FARS2: variants seen among roughly 807,000 people sequenced by gnomAD.
The protein encoded by FARS2 is phenylalanine--tRNA ligase, mitochondrial.
Under a neutral mutation model 46.4 loss-of-function variants are expected in FARS2, and 40 were observed. That is an observed-to-expected ratio of 0.86 (90% CI 0.67 to 1.12). The LOEUF is 1.12. Ranked by LOEUF, FARS2 falls within the 50% of genes most tolerant of loss-of-function variation. The pLI is 0.00. For missense variants in FARS2, 513 were observed against 567.9 expected, an observed-to-expected ratio of 0.90 and a Z score of 0.98; for synonymous variants, 234 against 214.9, an observed-to-expected ratio of 1.09 and a Z score of -0.78.
chr6:5,546,093 A>T (rs947848591), intron 5 of FARS2, among the ~76,000 whole-genome samples: 1 of 151,858 alleles, frequency 6.6e-6, no homozygotes, highest in Non-Finnish European at 1.5e-5. Context: ...GTGCCATTGC[A>T]CTCCAGCCTG....
chr6:5,293,841 A>G (rs1472493682), intron 1 of FARS2, among the ~76,000 whole-genome samples: 1 of 152,244 alleles, frequency 6.6e-6, no homozygotes, highest in Non-Finnish European at 1.5e-5. Flanking sequence ...GGCCAAGAGC[A>G]TGATTGATTG....
chr6:5,393,201 T>C (rs2127696738), intron 2 of FARS2, among the ~76,000 whole-genome samples: 2 of 152,144 alleles, frequency 1.3e-5, no homozygotes, highest in Middle Eastern at 6.8e-3. Context: ...AATCCTGTAA[T>C]GCACAGGTAG....
chr6:5,585,298 A>G (rs1561732112), intron 5 of FARS2, among the ~76,000 whole-genome samples: 2 of 151,928 alleles, frequency 1.3e-5, no homozygotes, highest in Admixed American at 6.6e-5. Context: ...CTCAGTTATC[A>G]TTTTTTTTGT....
chr6:5,590,888 C>T (rs1308523250), intron 5 of FARS2, among the ~76,000 whole-genome samples: 1 of 152,120 alleles, frequency 6.6e-6, no homozygotes, highest in African/African-American at 2.4e-5. Context: ...CATTGCTTTG[C>T]ACATTGTAAG....
intron 6 of FARS2, among the ~76,000 whole-genome samples, chr6:5,740,273 G>A (rs1047889472): frequency 3.3e-5 from 5 of 152,126 alleles, no homozygotes; most frequent in East Asian, 1.9e-4. Context: ...AAATACACAC[G>A]AGAAAGTTTC....
intron 1 of FARS2, among the ~76,000 whole-genome samples, chr6:5,296,129 CTTTTTTTTT>C (rs70974187): frequency 1.8e-5 from 1 of 55,040 alleles, no homozygotes; most frequent in African/African-American, 8.9e-5. Flanking sequence ...TCATTTTGGC[CTTTTTTTTT>C]TTTTTTTTTT....
At chr6:5,537,377 C>A (rs1770270303) in intron 4 of FARS2, among the ~76,000 whole-genome samples, 1 of 152,202 alleles carries the variant, frequency 6.6e-6, no homozygotes, top group Non-Finnish European at 1.5e-5. Context: ...TGCTCCCTCT[C>A]CACCCCAGAC....
At chr6:5,295,908 C>T (rs994466391) in intron 1 of FARS2, among the ~76,000 whole-genome samples, 9 of 152,012 alleles carry the variant, frequency 5.9e-5, no homozygotes, top group African/African-American at 9.7e-5. Context: ...CATCTTTTCA[C>T]GTAAAACACT....
chr6:5,515,803 C>T (rs558272160), intron 4 of FARS2, among the ~76,000 whole-genome samples: 25 of 152,034 alleles, frequency 1.6e-4, no homozygotes, highest in Admixed American at 2.6e-4. Context: ...ATACCTGATA[C>T]GTCTTAAATT....
chr6:5,327,478 C>T (rs369945220), intron 1 of FARS2, among the ~76,000 whole-genome samples: 6 of 151,998 alleles, frequency 3.9e-5, no homozygotes, highest in African/African-American at 7.3e-5. Context: ...TTTTCCGTGC[C>T]GTTCTTGTGA....
chr6:5,418,582 T>C (rs1430544067), intron 3 of FARS2, among the ~76,000 whole-genome samples: 1 of 152,220 alleles, frequency 6.6e-6, no homozygotes, highest in Non-Finnish European at 1.5e-5. Flanking sequence ...GTGTGGTTTG[T>C]TCCCTGACCT....
rs1015338232 is a variant in FARS2, at chr6:5,343,170, GTTGT to G, written c.-21-25377_-21-25374del. The stretch of plus-strand genomic sequence containing the variant: ...AGATGGTACTACTGCTGACAAAACT[GTTGT>G]TTATTACTGTAGACAAAACTGTACA... On this transcript the variant is annotated intron_variant, in intron 1 of 6. Coordinates refer to ENST00000274680, the MANE Select transcript of FARS2 (RefSeq NM_006567.5). The surrounding 1 kb of genome is among the most constrained non-coding windows in gnomAD (Gnocchi z 4.5). 7.2e-5 allele frequency among the ~76,000 whole-genome samples: 11 copies of G among 151,886 alleles called. No individual in the cohort carries two copies. Among genetic ancestry groups the G allele is most frequent in the African/African-American group, 2.4e-4 (10 of 41,218 alleles).
chr6:5,473,161 A>G (rs901433238), intron 4 of FARS2, among the ~76,000 whole-genome samples: 7 of 152,178 alleles, frequency 4.6e-5, no homozygotes, highest in Non-Finnish European at 1.0e-4. Flanking sequence ...GGAGGTTGTG[A>G]CACGAATCAG....
intron 4 of FARS2, among the ~76,000 whole-genome samples, chr6:5,444,092 C>CGTGT (rs35213574): frequency 0.48 from 70,752 of 146,064 alleles, 17,566 homozygotes; most frequent in Non-Finnish European, 0.56. Flanking sequence ...GGAAGATCCT[C>CGTGT]GTGTGTGTGT....
intron 6 of FARS2, among the ~76,000 whole-genome samples, chr6:5,614,703 T>C (rs1436548353): frequency 6.6e-6 from 1 of 152,140 alleles, no homozygotes; most frequent in Non-Finnish European, 1.5e-5. Context: ...TGGGCTGCCT[T>C]CTTTGTCTTT....
At chr6:5,369,741 T>C (rs966138292) in intron 2 of FARS2, among the ~76,000 whole-genome samples, 1 of 152,190 alleles carries the variant, frequency 6.6e-6, no homozygotes, top group Non-Finnish European at 1.5e-5. Flanking sequence ...GATGTCTTAA[T>C]TGCTGCTATT....
chr6:5,272,289 T>C (rs1302932565), intron 1 of FARS2: 2 of 152,082 alleles, frequency 1.3e-5, no homozygotes, highest in Non-Finnish European at 2.9e-5. Context: ...TTCATAACTT[T>C]TATTACGGTA....
At position 5,771,422 on chromosome 6, in the gene FARS2, G is replaced by C; in HGVS notation, c.1349G>C (p.Arg450Thr). The C allele has an allele frequency of 6.2e-7, 1 of 1,612,556 alleles. No individual in the cohort carries two copies. Among genetic ancestry groups the C allele is most frequent in the Non-Finnish European group, 8.5e-7 (1 of 1,179,578 alleles). The stretch of plus-strand genomic sequence containing the variant: ...GTCCAGCTGTTGGGTGTGGAGGGCA[G>C]GTTCTGATGTCACCACTTCACTCAG... Reference protein sequence around the residue: ...AAVQLLGVEGRF With the variant: ...AAVQLLGVEGTF Residue 450 changes from arginine (R) to threonine (T), a missense_variant, in exon 7 of 7, where the codon AGG (arginine) becomes ACG (threonine). Physicochemically the swap from Arg to Thr is moderately conservative, Grantham distance 71. Coordinates refer to ENST00000274680, the MANE Select transcript of FARS2 (RefSeq NM_006567.5).
chr6:5,389,953 C>T (rs1760392423), intron 2 of FARS2, among the ~76,000 whole-genome samples: 1 of 152,192 alleles, frequency 6.6e-6, no homozygotes, highest in Admixed American at 6.5e-5. Flanking sequence ...CAACCTCTGC[C>T]TCCTGGGTTC....
Sources: allele counts gnomAD v4.1 joint callset (sites outside exome capture counted in the v4.1 genomes callset), GRCh38; gene constraint gnomAD v4.1.1; non-coding constraint Gnocchi (gnomAD v3.1); transcripts MANE v1.5; gene names NCBI Gene and HGNC (gene_info 2026-07-23, HGNC 2026-07-21).